The following SRGAP2B variants were observed in gnomAD, a reference collection of about 807,000 sequenced individuals.
The protein encoded by SRGAP2B is SLIT-ROBO Rho GTPase activating protein 2B, also known as SLIT-ROBO Rho GTPase-activating protein 2B.
SRGAP2B carries 9 observed loss-of-function variants against 22.2 expected under a neutral mutation model. The ratio of observed to expected loss-of-function variants is 0.41; its 90% CI spans 0.24 to 0.71. The LOEUF is 0.71. Ranked by LOEUF, SRGAP2B falls within the 30% of genes least tolerant of loss-of-function variation. The pLI is 0.35. For missense variants in SRGAP2B, 114 were observed against 235.8 expected (o/e 0.48, Z 3.38); for synonymous variants, 36 against 87.4 (o/e 0.41, Z 3.28).
chr1:145,044,900 G>C (rs1649601971), intron 2 of SRGAP2B, among the ~76,000 whole-genome samples: 1 of 149,238 alleles, frequency 6.7e-6, no homozygotes, highest in Admixed American at 6.7e-5. Flanking sequence ...TTCTAGGTCT[G>C]GGTAGTAGCA....
intron 2 of SRGAP2B, among the ~76,000 whole-genome samples, chr1:145,070,071 C>G (rs1651975006): frequency 1.3e-5 from 2 of 150,292 alleles, no homozygotes; most frequent in African/African-American, 4.9e-5. Context: ...TGGAATTACC[C>G]TGCTAGGGAA....
chr1:145,017,482 A>G lies in SRGAP2B; in HGVS notation c.68-22282T>C, dbSNP rs61822319. Among the ~76,000 whole-genome samples the G allele has an allele frequency of 4.7e-4, 70 of 148,702 alleles. 1 individual carries two copies. The South Asian group carries it at 5.1e-3, about 11-fold the overall frequency. ...CAAAGTAGTCTTCCCCAAATTTTAG[A>G]AAAAAAAAACCCGTATCCCAGTTCT... On this transcript the variant is annotated intron_variant, in intron 2 of 9. Coordinates refer to ENST00000612199, the Ensembl canonical transcript of SRGAP2B.
chr1:145,073,201 C>T (rs1249731088), intron 2 of SRGAP2B, among the ~76,000 whole-genome samples: 2 of 150,162 alleles, frequency 1.3e-5, no homozygotes, highest in South Asian at 2.1e-4. Context: ...GTATTTGGCA[C>T]GTAAGAGGGG....
intron 2 of SRGAP2B, among the ~76,000 whole-genome samples, chr1:145,012,410 A>T (rs1672122807): frequency 6.7e-6 from 1 of 149,886 alleles, no homozygotes; most frequent in Non-Finnish European, 1.5e-5. Context: ...TTTTTAAAAA[A>T]ATAAGCAAGA....
At chr1:144,994,726 C>T (rs1277550057) in intron 3 of SRGAP2B, among the ~76,000 whole-genome samples, 5 of 149,038 alleles carry the variant, frequency 3.4e-5, no homozygotes, top group South Asian at 2.1e-4. Flanking sequence ...TGGGATTAAG[C>T]AAACTAACAT....
intron 4 of SRGAP2B, among the ~76,000 whole-genome samples, chr1:144,929,328 ATTTT>A (rs1665008545): frequency 6.8e-6 from 1 of 147,942 alleles, no homozygotes; most frequent in Non-Finnish European, 1.5e-5. Flanking sequence ...CAATTTATTT[ATTTT>A]TTCTTTTGTC....
chr1:144,960,569 T>C (rs1433910305), intron 3 of SRGAP2B, among the ~76,000 whole-genome samples: 1 of 150,594 alleles, frequency 6.6e-6, no homozygotes, highest in Non-Finnish European at 1.5e-5. Flanking sequence ...ATATCCATGG[T>C]GAAGAGCCAA....
intron 3 of SRGAP2B, among the ~76,000 whole-genome samples, chr1:144,966,258 T>A (rs373203367): frequency 1.3e-5 from 2 of 149,688 alleles, no homozygotes; most frequent in African/African-American, 5.1e-5. Context: ...CGGGTTACCC[T>A]CAAAGGGAAG....
intron 2 of SRGAP2B, among the ~76,000 whole-genome samples, chr1:145,013,925 G>T (rs1315405255): frequency 6.8e-6 from 1 of 148,144 alleles, no homozygotes; most frequent in Non-Finnish European, 1.5e-5. Context: ...GGCCAAGATG[G>T]TATGAGCATT....
rs587711623 is a variant in SRGAP2B at position 145,002,353 on chromosome 1, C to T, written c.68-7153G>A. On this transcript the variant is annotated intron_variant, in intron 2 of 9. Transcript: ENST00000612199. ...AAACATGAGTATCTGAATGAAGTCA[C>T]GATGAGAAGCCAGCCCTATCCCTGG... 9.0e-5 allele frequency among the ~76,000 whole-genome samples: 5 copies of T among 55,658 alleles called. 1 individual carries two copies. Among genetic ancestry groups the T allele is most frequent in the Admixed American group, 8.5e-4 (4 of 4,718 alleles). 36.5% of individuals were successfully genotyped at this position (55,658 alleles called of 152,430 possible). A position where few individuals can be genotyped will look rare whatever the true frequency, so the allele number is the denominator to read the frequency against.
At position 145,002,494 on chromosome 1, in the gene SRGAP2B, C is replaced by T. The variant is rs1291415974; in HGVS notation, c.68-7294G>A. On this transcript the variant is annotated intron_variant, in intron 2 of 9. Transcript: ENST00000612199. ...ACTTTGGGAGGCCCAGATGGGAGGA[C>T]TGCTTGAAGCCGGAAGTTTGAGACC... 6.5e-5 allele frequency among the ~76,000 whole-genome samples: 6 copies of T among 91,914 alleles called. 2 individuals are homozygous for T. The highest frequency in any genetic ancestry group is 1.2e-4 in the Non-Finnish European group (6 of 48,078). The allele number at this position is 91,914 out of a possible 152,430, so 60.3% of individuals were successfully genotyped here.
intron 3 of SRGAP2B, among the ~76,000 whole-genome samples, chr1:144,971,612 C>T (rs587650989): frequency 1.3e-5 from 2 of 150,854 alleles, no homozygotes; most frequent in South Asian, 4.2e-4. Flanking sequence ...CATTTTATTG[C>T]TATTAATTTA....
chr1:145,007,731 G>A (rs1208467390), intron 2 of SRGAP2B, among the ~76,000 whole-genome samples: 4 of 147,496 alleles, frequency 2.7e-5, no homozygotes, highest in Non-Finnish European at 3.0e-5. Flanking sequence ...GTTTTTATGA[G>A]TTAATATTTG....
chr1:144,947,352 T>C (rs1666537566), intron 4 of SRGAP2B, among the ~76,000 whole-genome samples: 1 of 72,682 alleles, frequency 1.4e-5, no homozygotes, highest in Non-Finnish European at 2.6e-5. Context: ...GGAAATCCTA[T>C]CTCAGTCCAA....
intron 2 of SRGAP2B, among the ~76,000 whole-genome samples, chr1:145,063,355 G>C (rs1571118254): frequency 8.7e-6 from 1 of 114,684 alleles, no homozygotes; most frequent in East Asian, 2.5e-4. Context: ...ATAGGTTGTG[G>C]AATCTTCTTC....
At chr1:144,991,239 A>G (rs80120682) in intron 3 of SRGAP2B, among the ~76,000 whole-genome samples, 220 of 117,054 alleles carry the variant, frequency 1.9e-3, no homozygotes, top group Middle Eastern at 0.012. Context: ...TAGCTGCTCT[A>G]GTGAGGACGT....
At position 144,966,671 on chromosome 1, in the gene SRGAP2B, G is replaced by T. The variant is rs1259336514; in HGVS notation, c.261-11070C>A. On this transcript the variant is annotated intron_variant, in intron 3 of 9. Coordinates refer to ENST00000612199, the Ensembl canonical transcript of SRGAP2B. ...AACCTTAAATGTAAATGGGCTAAAT[G>T]CTCCAATTAAAAGACACAGACTGGC... Among the ~76,000 whole-genome samples the T allele has an allele frequency of 4.1e-5, 6 of 146,644 alleles. 1 individual carries two copies. The highest frequency in any genetic ancestry group is 1.4e-4 in the African/African-American group (5 of 36,338).
intron 3 of SRGAP2B, among the ~76,000 whole-genome samples, chr1:144,981,028 C>T (rs1174588033): frequency 1.3e-5 from 2 of 148,308 alleles, no homozygotes; most frequent in African/African-American, 2.6e-5. Flanking sequence ...ATTATTCTCT[C>T]TCAGCCTGCC....
intron 4 of SRGAP2B, among the ~76,000 whole-genome samples, chr1:144,931,341 A>G (rs1305634959): frequency 1.3e-5 from 2 of 149,590 alleles, no homozygotes; most frequent in African/African-American, 5.1e-5. Context: ...AACTCCTTCA[A>G]TGCTATTTTG....
Sources: allele counts gnomAD v4.1 joint callset (sites outside exome capture counted in the v4.1 genomes callset), GRCh38; gene constraint gnomAD v4.1.1; transcripts MANE v1.5; gene names NCBI Gene and HGNC (gene_info 2026-07-23, HGNC 2026-07-21).